The following BOLL variants were observed in gnomAD, a reference collection of about 807,000 sequenced individuals.
BOLL encodes the protein boule RNA binding protein, also known as protein boule-like.
BOLL carries 23 observed loss-of-function variants against 44.4 expected under a neutral mutation model. The observed-to-expected ratio is 0.52, with a 90% confidence interval of 0.37 to 0.73. The LOEUF (loss-of-function observed/expected upper bound fraction) is 0.73, where lower values mean the gene tolerates loss of function less well. Ranked by LOEUF, BOLL falls within the 30% of genes least tolerant of loss-of-function variation. The pLI, the probability that BOLL is intolerant of heterozygous loss-of-function variation, is 0.00. For synonymous variants in BOLL, 97 were observed against 110.8 expected, an observed-to-expected ratio of 0.88 and a Z score of 0.78; for missense variants, 287 against 338.3, an observed-to-expected ratio of 0.85 and a Z score of 1.19.
chr2:197,734,099 C>T (rs1254797284), intron 10 of BOLL, among the ~76,000 whole-genome samples: 3 of 151,296 alleles, frequency 2.0e-5, no homozygotes, highest in South Asian at 2.1e-4. Flanking sequence ...CTACAATGAA[C>T]TCAAACAAAT....
upstream of BOLL, among the ~76,000 whole-genome samples, chr2:197,785,775 C>A (rs776515451): frequency 7.9e-5 from 12 of 151,922 alleles, no homozygotes; most frequent in Non-Finnish European, 1.8e-4. The surrounding 1 kb of genome is among the most constrained non-coding windows in gnomAD (Gnocchi z 6.7). Context: ...GTGGCGGCGC[C>A]TTTCTGACCC....
chr2:197,771,930 TC>T lies in BOLL; in HGVS notation c.404del (p.Gly135AspfsTer18). 6.3e-7 allele frequency: 1 copy of T among 1,596,888 alleles called. No individual in the cohort carries two copies. The highest frequency in any genetic ancestry group is 1.1e-5 in the South Asian group (1 of 88,444). On this transcript the variant is annotated frameshift_variant, in exon 6 of 11. Transcript: ENST00000392296. LOFTEE classifies it high-confidence loss of function. ...CACCATTATGGTAAGTATAAGGATATCCAGTTGAAGTTGTTAGATACATTGT... is the reference window on the plus strand; with the variant it reads ...CACCATTATGGTAAGTATAAGGATATCAGTTGAAGTTGTTAGATACATTGT... ...AGTMYLTTST[G>X]YPYTYHNGVA... is the part of the protein sequence containing the mutation.
At chr2:197,751,336 C>CA (rs200202525) in intron 9 of BOLL, among the ~76,000 whole-genome samples, 11,097 of 151,620 alleles carry the variant, frequency 0.073, 524 homozygotes, top group Non-Finnish European at 0.11. Flanking sequence ...AAAAACCCTT[C>CA]AAAAAAAATC....
chr2:197,736,850 A>G (rs1449622744), intron 10 of BOLL, among the ~76,000 whole-genome samples: 2 of 152,008 alleles, frequency 1.3e-5, no homozygotes, highest in Non-Finnish European at 2.9e-5. Flanking sequence ...GAGAATTACT[A>G]TTTTTTTGGT....
rs1332610115 is a variant in BOLL, at chr2:197,730,993, G to T, written c.829-2415C>A. On this transcript the variant is annotated intron_variant, in intron 10 of 10. Coordinates refer to ENST00000392296, the MANE Select transcript of BOLL (RefSeq NM_033030.6). ...AACTTTAAATGTAAATGGACTAAAT[G>T]CTCCAATTAAAAGACACAGACTGGC... 4.9e-3 allele frequency among the ~76,000 whole-genome samples: 741 copies of T among 151,654 alleles called. 9 individuals are homozygous for T. Among genetic ancestry groups the T allele is most frequent in the African/African-American group, 0.017 (694 of 41,170 alleles).
At chr2:197,766,976 A>G (rs1559411598) in intron 6 of BOLL, among the ~76,000 whole-genome samples, 2 of 152,014 alleles carry the variant, frequency 1.3e-5, no homozygotes, top group Non-Finnish European at 2.9e-5. Flanking sequence ...GAAACAGTTA[A>G]TGTTTATAAT....
At chr2:197,740,489 A>G (rs992486922) in intron 10 of BOLL, among the ~76,000 whole-genome samples, 6 of 152,124 alleles carry the variant, frequency 3.9e-5, no homozygotes, top group African/African-American at 1.4e-4. Flanking sequence ...TAGATAGTCA[A>G]AATATATTGA....
chr2:197,756,683 C>G (rs1184802360), intron 8 of BOLL, 127 bp from the exon 9 acceptor site: 4 of 798,646 alleles, frequency 5.0e-6, no homozygotes, highest in Non-Finnish European at 7.3e-6. Context: ...AGGAATAGCA[C>G]AGAAGTATCT....
chr2:197,732,197 C>G (rs1574794521), intron 10 of BOLL, among the ~76,000 whole-genome samples: 1 of 151,554 alleles, frequency 6.6e-6, no homozygotes, highest in Non-Finnish European at 1.5e-5. Flanking sequence ...CGCAAATAAA[C>G]TAGAAAATCT....
chr2:197,780,139 C>G (rs1210399762), intron 2 of BOLL, among the ~76,000 whole-genome samples: 2 of 152,004 alleles, frequency 1.3e-5, no homozygotes, highest in African/African-American at 4.8e-5. Flanking sequence ...CAACTATTCT[C>G]TGGTAGAATA....
chr2:197,781,611 C>A, intron 2 of BOLL, 111 bp downstream of exon 2: 1 of 1,086,902 alleles, frequency 9.2e-7, no homozygotes, highest in South Asian at 2.6e-5. Context: ...AATTCAAAAT[C>A]TGTTAATCAT....
intron 10 of BOLL, among the ~76,000 whole-genome samples, chr2:197,733,444 A>C (rs1687308351): frequency 1.3e-5 from 2 of 151,500 alleles, no homozygotes; most frequent in South Asian, 4.2e-4. Context: ...CTTTCTTCAC[A>C]GAATTGGAAG....
At chr2:197,742,924 T>G in intron 10 of BOLL, 137 bp downstream of exon 10, 28 of 449,834 alleles carry the variant, frequency 6.2e-5, no homozygotes, top group East Asian at 1.8e-4. Flanking sequence ...TTCCTTCACA[T>G]GAGTTTGCTA....
intron 10 of BOLL, among the ~76,000 whole-genome samples, chr2:197,736,003 C>G (rs1261635955): frequency 1.3e-5 from 2 of 152,024 alleles, no homozygotes; most frequent in Non-Finnish European, 2.9e-5. Flanking sequence ...ATTTAAGAGA[C>G]CATCGAACTT....
At chr2:197,731,744 T>C (rs1479342941) in intron 10 of BOLL, among the ~76,000 whole-genome samples, 1 of 151,726 alleles carries the variant, frequency 6.6e-6, no homozygotes, top group Admixed American at 6.6e-5. Context: ...AAGGCAGAAA[T>C]AAAGATGTTC....
intron 10 of BOLL, among the ~76,000 whole-genome samples, chr2:197,728,870 T>G (rs1271672034): frequency 6.6e-6 from 1 of 152,120 alleles, no homozygotes; most frequent in Non-Finnish European, 1.5e-5. Context: ...AGATTACGAG[T>G]TACAACATTT....
At chr2:197,772,804 A>C (rs1374589289) in intron 5 of BOLL, among the ~76,000 whole-genome samples, 1 of 152,080 alleles carries the variant, frequency 6.6e-6, no homozygotes, top group Non-Finnish European at 1.5e-5. Context: ...TATATAAATT[A>C]GTGAAACTGA....
At chr2:197,747,212 A>G (rs529460164) in intron 9 of BOLL, among the ~76,000 whole-genome samples, 1 of 152,276 alleles carries the variant, frequency 6.6e-6, no homozygotes, top group South Asian at 2.1e-4. Context: ...CATGCTATAC[A>G]CTGTAAATGT....
intron 10 of BOLL, among the ~76,000 whole-genome samples, chr2:197,729,836 A>G (rs1687065157): frequency 1.3e-5 from 2 of 151,738 alleles, no homozygotes; most frequent in Admixed American, 6.6e-5. Flanking sequence ...CAAAGACCAA[A>G]AGTAGATAAA....
Sources: gnomAD v4.1 joint callset for allele counts (sites outside exome capture counted in the v4.1 genomes callset) on GRCh38, gnomAD v4.1.1 for gene constraint, Gnocchi (gnomAD v3.1) non-coding constraint, MANE v1.5 for transcripts, NCBI Gene and HGNC (gene_info 2026-07-23, HGNC 2026-07-21) for gene names.